The following ASCC3 variants were observed in gnomAD, a reference collection of about 807,000 sequenced individuals.
ASCC3 encodes the protein activating signal cointegrator 1 complex subunit 3.
ASCC3 carries 158 observed loss-of-function variants against 256.3 expected under a neutral mutation model. The ratio of observed to expected loss-of-function variants is 0.62; its 90% CI spans 0.54 to 0.70. The LOEUF (loss-of-function observed/expected upper bound fraction) is 0.70, where lower values mean the gene tolerates loss of function less well. Among genes scored for constraint, ASCC3 ranks in the 30% least tolerant of loss-of-function variants. ASCC3 has a pLI of 0.00. For synonymous variants in ASCC3, 948 were observed against 883.4 expected (o/e 1.07, Z -1.30); for missense variants, 2,259 against 2,626.0 (o/e 0.86, Z 3.05).
At chr6:100,573,310 G>A (rs1770692376) in intron 36 of ASCC3, among the ~76,000 whole-genome samples, 1 of 152,044 alleles carries the variant, frequency 6.6e-6, no homozygotes, top group South Asian at 2.1e-4. Flanking sequence ...CATGAATCAT[G>A]AATCTTTTGG....
At chr6:100,871,516 C>T (rs1404738000) in intron 1 of ASCC3, among the ~76,000 whole-genome samples, 1 of 152,164 alleles carries the variant, frequency 6.6e-6, no homozygotes, top group Non-Finnish European at 1.5e-5. Context: ...CACCTGTAAT[C>T]CCAGCACTTT....
At chr6:100,878,568 G>A (rs561833091) in intron 1 of ASCC3, among the ~76,000 whole-genome samples, 7 of 152,250 alleles carry the variant, frequency 4.6e-5, no homozygotes, top group Admixed American at 2.0e-4. Context: ...ACAAGAAAAC[G>A]TGGAACAGAC....
intron 30 of ASCC3, among the ~76,000 whole-genome samples, chr6:100,615,047 G>C (rs553707163): frequency 1.3e-5 from 2 of 150,152 alleles, no homozygotes; most frequent in African/African-American, 4.9e-5. Context: ...ATGGAGTCTC[G>C]CTCTGTCGAC....
At chr6:100,711,401 G>C (rs1778846200) in intron 13 of ASCC3, among the ~76,000 whole-genome samples, 1 of 152,152 alleles carries the variant, frequency 6.6e-6, no homozygotes, top group South Asian at 2.1e-4. Context: ...TAATTAAAAA[G>C]AGAAGAAATA....
At chr6:100,771,968 C>A (rs937642533) in intron 8 of ASCC3, among the ~76,000 whole-genome samples, 5 of 149,716 alleles carry the variant, frequency 3.3e-5, no homozygotes, top group Non-Finnish European at 5.9e-5. Flanking sequence ...CAAGCTCTGC[C>A]TCCCAGGTTC....
chr6:100,692,908 T>C (rs1250210475), intron 13 of ASCC3, among the ~76,000 whole-genome samples: 1 of 152,080 alleles, frequency 6.6e-6, no homozygotes, highest in East Asian at 1.9e-4. Flanking sequence ...TGAAATACTT[T>C]TTTTATAAAA....
At chr6:100,608,069 T>TACATATATATGTATATATCGATATAC (rs1554200716) in intron 30 of ASCC3, among the ~76,000 whole-genome samples, 12,985 of 89,078 alleles carry the variant, frequency 0.15, 2,226 homozygotes, top group East Asian at 0.38. Flanking sequence ...CACATATATA[T>TACATATATATGTATATATCGATATAC]ACATATATAT....
chr6:100,574,688 G>GA (rs563446995), intron 36 of ASCC3, among the ~76,000 whole-genome samples: 73 of 133,798 alleles, frequency 5.5e-4, no homozygotes, highest in East Asian at 6.4e-4. Flanking sequence ...AAGTAATTAA[G>GA]AAAAAAAAAA....
intron 8 of ASCC3, among the ~76,000 whole-genome samples, chr6:100,779,681 C>A (rs1435610891): frequency 6.6e-6 from 1 of 152,106 alleles, no homozygotes; most frequent in African/African-American, 2.4e-5. Flanking sequence ...AAGCTCAGGA[C>A]TTCAATTTAG....
chr6:100,755,393 G>A (rs1466041122), intron 10 of ASCC3, among the ~76,000 whole-genome samples: 3 of 150,526 alleles, frequency 2.0e-5, no homozygotes. Context: ...TTGAGATGAG[G>A]TATTGCTCTA....
intron 13 of ASCC3, among the ~76,000 whole-genome samples, chr6:100,692,786 T>C (rs1287597986): frequency 6.6e-6 from 1 of 152,064 alleles, no homozygotes; most frequent in East Asian, 1.9e-4. Context: ...GGCATAGTAT[T>C]AGGCTTAGTT....
At chr6:100,514,408 C>G (rs934600155) in intron 39 of ASCC3, among the ~76,000 whole-genome samples, 1 of 152,052 alleles carries the variant, frequency 6.6e-6, no homozygotes, top group African/African-American at 2.4e-5. Context: ...AACATTTACC[C>G]CATGAAGCAA....
intron 25 of ASCC3, among the ~76,000 whole-genome samples, chr6:100,638,251 T>C (rs1774941630): frequency 6.6e-6 from 1 of 152,226 alleles, no homozygotes. Flanking sequence ...AGATGATTGA[T>C]AATATTTTTT....
At chr6:100,636,816 G>C (rs766860771) in intron 25 of ASCC3, among the ~76,000 whole-genome samples, 8 of 152,268 alleles carry the variant, frequency 5.3e-5, no homozygotes, top group Admixed American at 1.3e-4. Flanking sequence ...ATAACCTAAA[G>C]CCTACTCTAG....
intron 21 of ASCC3, 99 bp from the exon 22 acceptor site, chr6:100,646,868 T>G: frequency 8.0e-7 from 1 of 1,255,168 alleles, no homozygotes; most frequent in Non-Finnish European, 1.1e-6. Context: ...ATTTTATTGC[T>G]TGTTTTATGA....
chr6:100,564,703 A>G lies in ASCC3; in HGVS notation c.5551-24316T>C, dbSNP rs547080572. Among the ~76,000 whole-genome samples the G allele has an allele frequency of 1.4e-4, 22 of 152,292 alleles. 1 individual carries two copies. In the East Asian group the frequency reaches 4.1e-3, roughly 28 times the overall value. On this transcript the variant is annotated intron_variant, in intron 36 of 41. Transcript: ENST00000369162. ...GTACCTAACATAGTAGGTGCTATAT[A>G]AAATATCCTTGTTGGACTGTTGAAA... is the stretch of plus-strand genomic sequence containing the variant.
At chr6:100,866,245 C>T (rs1329387503) in intron 2 of ASCC3, among the ~76,000 whole-genome samples, 1 of 152,216 alleles carries the variant, frequency 6.6e-6, no homozygotes, top group African/African-American at 2.4e-5. Context: ...GCTGGGATTA[C>T]AGGCGTGAGC....
intron 34 of ASCC3, among the ~76,000 whole-genome samples, chr6:100,592,475 A>G (rs913815120): frequency 1.3e-5 from 2 of 152,072 alleles, no homozygotes; most frequent in Non-Finnish European, 2.9e-5. Context: ...TAAAAGTAAG[A>G]TATTGTTACA....
chr6:100,594,424 T>C (rs1412728273), intron 34 of ASCC3, among the ~76,000 whole-genome samples: 1 of 152,130 alleles, frequency 6.6e-6, no homozygotes, highest in Admixed American at 6.6e-5. Context: ...TTTTATCAGA[T>C]CTAAAAATAA....
Sources: allele counts gnomAD v4.1 joint callset (sites outside exome capture counted in the v4.1 genomes callset), GRCh38; gene constraint gnomAD v4.1.1; transcripts MANE v1.5; gene names NCBI Gene and HGNC (gene_info 2026-07-23, HGNC 2026-07-21).